Variants in PRKCH observed in about 807,000 individuals in gnomAD.
PRKCH encodes the protein protein kinase C eta type.
A neutral mutation model predicts 82.5 loss-of-function variants in PRKCH; 28 were observed. The ratio of observed to expected loss-of-function variants is 0.34; its 90% CI spans 0.25 to 0.47. The LOEUF (loss-of-function observed/expected upper bound fraction) is 0.47. PRKCH is among the 20% of genes least tolerant of loss of function. PRKCH has a pLI of 1.00. For missense variants in PRKCH, 705 were observed against 881.8 expected (o/e 0.80, Z 2.54); for synonymous variants, 322 against 327.4 (o/e 0.98, Z 0.18).
chr14:61,270,417 C>A (rs1318851672), intron 1 of PRKCH, among the ~76,000 whole-genome samples: 1 of 152,158 alleles, frequency 6.6e-6, no homozygotes, highest in Non-Finnish European at 1.5e-5. Context: ...GATTTTTCCT[C>A]CCTCATACAG....
rs77469063 is a variant in PRKCH, at chr14:61,535,985, G to C, written c.1761+5390G>C. Among the ~76,000 whole-genome samples, 3,086 of 152,320 alleles carry C rather than the reference G, an allele frequency of 0.02. 185 individuals carry two copies. In the East Asian group the frequency reaches 0.24, roughly 12 times the overall value. On this transcript the variant is annotated intron_variant, in intron 12 of 13. Coordinates refer to ENST00000332981, the MANE Select transcript of PRKCH (RefSeq NM_006255.5). ...AATATCTTTTATAAACAAGCTCAGCGTGTGTGTATGAAGAAACATTTCTAG... is the reference window on the plus strand; with the variant it reads ...AATATCTTTTATAAACAAGCTCAGCCTGTGTGTATGAAGAAACATTTCTAG...
At chr14:61,539,137 C>T (rs993532695) in intron 12 of PRKCH, among the ~76,000 whole-genome samples, 3 of 152,224 alleles carry the variant, frequency 2.0e-5, no homozygotes, top group African/African-American at 7.2e-5. Context: ...GGCATTGGCA[C>T]AACTGCATGA....
intron 3 of PRKCH, among the ~76,000 whole-genome samples, chr14:61,445,238 T>C (rs148040109): frequency 5.9e-5 from 9 of 152,350 alleles, no homozygotes; most frequent in African/African-American, 2.2e-4. Flanking sequence ...AGGGGTGATA[T>C]GGACACAGGG....
chr14:61,337,067 CAAAAA>C (rs3028726), intron 1 of PRKCH, among the ~76,000 whole-genome samples: 3 of 55,092 alleles, frequency 5.4e-5, no homozygotes, highest in African/African-American at 7.8e-5. Context: ...CAGTCTGTCT[CAAAAA>C]AAAAAAAAAA....
intron 1 of PRKCH, among the ~76,000 whole-genome samples, chr14:61,234,863 T>A (rs1328260517): frequency 6.6e-6 from 1 of 152,220 alleles, no homozygotes; most frequent in Non-Finnish European, 1.5e-5. Context: ...TTCAGGGCCA[T>A]CCCATCAGGG....
chr14:61,240,772 A>C (rs2140065972), intron 1 of PRKCH, among the ~76,000 whole-genome samples: 1 of 152,176 alleles, frequency 6.6e-6, no homozygotes, highest in East Asian at 1.9e-4. Context: ...TTTTTACCCA[A>C]AATCACATGT....
Position 61,457,992 on chromosome 14 carries a change from A to C in PRKCH, c.1278+313A>C, listed in dbSNP as rs58360439. The stretch of plus-strand genomic sequence containing the variant: ...AGGTGAATGAAAGTTACAGCAGTCT[A>C]AGAACAGAGAAAATGCCATGGGCTC... On this transcript the variant is annotated intron_variant, in intron 9 of 13. Transcript: ENST00000332981. Among the ~76,000 whole-genome samples, 2,858 of 152,322 alleles carry C rather than the reference A, an allele frequency of 0.019. 191 individuals carry two copies. The East Asian group carries it at 0.26, about 14-fold the overall frequency.
chr14:61,246,819 C>G (rs2044888302), intron 1 of PRKCH, among the ~76,000 whole-genome samples: 1 of 152,174 alleles, frequency 6.6e-6, no homozygotes, highest in South Asian at 2.1e-4. Flanking sequence ...AACTCCTGGG[C>G]TCAAGCAATC....
chr14:61,233,383 C>G lies in PRKCH; in HGVS notation c.-19+45715C>G, dbSNP rs370374317. On this transcript the variant is annotated intron_variant, in intron 1 of 3. Transcript: ENST00000555185. ...TCTGCTCTGGGTGATAGAGAGAGAC[C>G]TTGTCTCAAAAAAAAAGAAAAAAAG... Among the ~76,000 whole-genome samples the G allele has an allele frequency of 6.4e-3, 842 of 130,962 alleles. 14 individuals are homozygous for G. Among genetic ancestry groups the G allele is most frequent in the African/African-American group, 0.021 (809 of 38,820 alleles). 85.9% of individuals were successfully genotyped at this position (130,962 alleles called of 152,430 possible).
chr14:61,248,848 G>T (rs534940919), intron 1 of PRKCH, among the ~76,000 whole-genome samples: 10 of 152,112 alleles, frequency 6.6e-5, no homozygotes, highest in Non-Finnish European at 1.3e-4. Context: ...TGTTGCCCAG[G>T]CTGAGTGCAG....
At chr14:61,465,922 C>T (rs1885236083) in intron 9 of PRKCH, among the ~76,000 whole-genome samples, 1 of 152,180 alleles carries the variant, frequency 6.6e-6, no homozygotes, top group East Asian at 1.9e-4. Flanking sequence ...AATTATTATC[C>T]TCATTATGTC....
intron 1 of PRKCH, among the ~76,000 whole-genome samples, chr14:61,329,942 C>A (rs2045760191): frequency 6.6e-6 from 1 of 152,170 alleles, no homozygotes; most frequent in South Asian, 2.1e-4. Context: ...GTAGTAGTGA[C>A]TCTGACAGAC....
intron 10 of PRKCH, among the ~76,000 whole-genome samples, chr14:61,526,491 G>A (rs900574252): frequency 6.6e-5 from 10 of 152,200 alleles, no homozygotes; most frequent in African/African-American, 2.4e-4. Context: ...TCCATTCCTG[G>A]GCATTTTCTA....
intron 7 of PRKCH, among the ~76,000 whole-genome samples, chr14:61,455,669 T>C (rs1884732557): frequency 6.6e-6 from 1 of 152,222 alleles, no homozygotes. Flanking sequence ...ATAAAGATCA[T>C]GCAGCACGAT....
At chr14:61,215,461 G>T (rs2044610065) in intron 1 of PRKCH, among the ~76,000 whole-genome samples, 1 of 152,128 alleles carries the variant, frequency 6.6e-6, no homozygotes, top group Non-Finnish European at 1.5e-5. Context: ...CTGCCAGCCA[G>T]CCCTGTAACC....
Position 61,450,851 on chromosome 14 carries a change from C to CAG in PRKCH, c.715_716dup (p.Phe240GlyfsTer31), listed in dbSNP as rs1286727131. 6.2e-7 allele frequency: 1 copy of CAG among 1,613,608 alleles called. No homozygotes were observed. The highest frequency in any genetic ancestry group is 8.5e-7 in the Non-Finnish European group (1 of 1,179,800). On this transcript the variant is annotated frameshift_variant, in exon 6 of 14. Coordinates refer to ENST00000332981, the MANE Select transcript of PRKCH (RefSeq NM_006255.5). LOFTEE classifies it high-confidence loss of function. ...ATTTCCTTTTTTACAGATTGCAGAA[C>CAG]AGAGGTTCGGGATCAACATCCCACA...
intron 1 of PRKCH, chr14:61,306,069 GT>G (rs1203591560): frequency 3.0e-4 from 46 of 152,102 alleles, no homozygotes; most frequent in African/African-American, 1.1e-3. Flanking sequence ...TTCTATGTCA[GT>G]TTTATCCTTA....
intron 10 of PRKCH, among the ~76,000 whole-genome samples, chr14:61,523,388 T>C (rs2042929020): frequency 6.6e-6 from 1 of 152,228 alleles, no homozygotes; most frequent in Admixed American, 6.5e-5. Context: ...TTAAAGTCCT[T>C]TTGGGAAACA....
At chr14:61,530,066 G>A (rs568974610) in intron 11 of PRKCH, among the ~76,000 whole-genome samples, 1 of 152,262 alleles carries the variant, frequency 6.6e-6, no homozygotes, top group African/African-American at 2.4e-5. Context: ...AAAGGCTCTT[G>A]AATCCTTGAA....
Sources: allele counts gnomAD v4.1 joint callset (sites outside exome capture counted in the v4.1 genomes callset), GRCh38; gene constraint gnomAD v4.1.1; transcripts MANE v1.5; gene names NCBI Gene and HGNC (gene_info 2026-07-23, HGNC 2026-07-21).